SOX6: variants seen among roughly 807,000 people sequenced by gnomAD.
SOX6 encodes transcription factor SOX-6.
SOX6 carries 11 observed loss-of-function variants against 97.8 expected under a neutral mutation model. The ratio of observed to expected loss-of-function variants is 0.11; its 90% CI spans 0.07 to 0.19. The LOEUF is 0.19. SOX6 is among the 10% of genes least tolerant of loss of function. SOX6 has a pLI of 1.00. For synonymous variants in SOX6, 360 were observed against 371.4 expected, an observed-to-expected ratio of 0.97 and a Z score of 0.35; for missense variants, 810 against 1,039.5, an observed-to-expected ratio of 0.78 and a Z score of 3.04.
At chr11:16,254,573 T>C (rs1227014196) in intron 3 of SOX6, among the ~76,000 whole-genome samples, 3 of 151,980 alleles carry the variant, frequency 2.0e-5, no homozygotes, top group African/African-American at 7.2e-5. Flanking sequence ...CTTGGATTAA[T>C]TGTAACTGAA....
rs773512723 is a variant in SOX6, at chr11:16,097,707, C to A, written c.899-19G>T. The A allele has an allele frequency of 6.2e-7, 1 of 1,604,174 alleles. No individual in the cohort carries two copies. ...TTATCACCTGTCGGAAAGAACAATGCATACAGGTTTAGACAATGCACAGGG... is the reference window on the plus strand; with the variant it reads ...TTATCACCTGTCGGAAAGAACAATGAATACAGGTTTAGACAATGCACAGGG... On this transcript the variant is annotated intron_variant, in intron 7 of 15. Coordinates refer to ENST00000683767, the MANE Select transcript of SOX6 (RefSeq NM_001367873.1).
At chr11:16,528,649 G>A (rs1861199959) in intron 4 of SOX6, among the ~76,000 whole-genome samples, 1 of 152,074 alleles carries the variant, frequency 6.6e-6, no homozygotes, top group South Asian at 2.1e-4. Flanking sequence ...AAAAAGAGGG[G>A]AACGTCTATG....
intron 4 of SOX6, among the ~76,000 whole-genome samples, chr11:16,523,490 G>A (rs1427477642): frequency 2.0e-5 from 3 of 151,910 alleles, no homozygotes; most frequent in Non-Finnish European, 4.4e-5. Flanking sequence ...GCAGTGTGTA[G>A]AGGGAAATTT....
chr11:16,723,941 G>A (rs2134055584), intron 2 of SOX6, among the ~76,000 whole-genome samples: 1 of 152,270 alleles, frequency 6.6e-6, no homozygotes, highest in African/African-American at 2.4e-5. Context: ...AAGAATTTCT[G>A]TGACTCTCTG....
chr11:16,681,231 TA>T (rs1453130261), intron 3 of SOX6, among the ~76,000 whole-genome samples: 3 of 152,200 alleles, frequency 2.0e-5, no homozygotes, highest in Non-Finnish European at 4.4e-5. Flanking sequence ...TTAGCAAATG[TA>T]AAAGAACAGT....
At chr11:16,484,650 T>C (rs2133127310) in intron 4 of SOX6, 5 of 642,364 alleles carry the variant, frequency 7.8e-6, no homozygotes, top group East Asian at 2.8e-5. Flanking sequence ...GCACCGTTGC[T>C]GAGCACGAAG....
intron 4 of SOX6, among the ~76,000 whole-genome samples, chr11:16,488,647 A>G (rs1323820918): frequency 6.6e-6 from 1 of 152,138 alleles, no homozygotes; most frequent in Non-Finnish European, 1.5e-5. Flanking sequence ...TAACAAATAA[A>G]CACTGTAGAC....
chr11:16,289,801 A>G (rs1226228939), intron 3 of SOX6, among the ~76,000 whole-genome samples: 1 of 152,002 alleles, frequency 6.6e-6, no homozygotes, highest in African/African-American at 2.4e-5. Context: ...GTGGTTTAAC[A>G]TGGGCCTAAA....
At chr11:16,521,303 C>A (rs181011120) in intron 4 of SOX6, among the ~76,000 whole-genome samples, 3 of 152,164 alleles carry the variant, frequency 2.0e-5, no homozygotes, top group Non-Finnish European at 4.4e-5. Context: ...AACGATCAGA[C>A]AGCAGCATTC....
chr11:16,182,868 T>C (rs1321533879), intron 6 of SOX6, among the ~76,000 whole-genome samples: 1 of 151,712 alleles, frequency 6.6e-6, no homozygotes, highest in African/African-American at 2.4e-5. Flanking sequence ...ATCAATGAGA[T>C]AGAATATTGC....
intron 9 of SOX6, among the ~76,000 whole-genome samples, chr11:16,058,048 T>C (rs1303445876): frequency 1.3e-5 from 2 of 152,108 alleles, no homozygotes; most frequent in Non-Finnish European, 2.9e-5. Context: ...TTTTGATGTT[T>C]TTCATTGATA....
chr11:16,061,864 C>T (rs1409927655), intron 9 of SOX6, among the ~76,000 whole-genome samples: 6 of 151,690 alleles, frequency 4.0e-5, no homozygotes, highest in African/African-American at 1.5e-4. Context: ...GACTGAATGC[C>T]TATCTCTCCC....
intron 3 of SOX6, among the ~76,000 whole-genome samples, chr11:16,304,821 G>T (rs765428045): frequency 5.3e-5 from 8 of 152,064 alleles, no homozygotes; most frequent in Non-Finnish European, 1.0e-4. Flanking sequence ...ATGGAGGAAG[G>T]TTAGTCTTTT....
At chr11:16,436,641 C>G (rs7104395) in intron 1 of SOX6, among the ~76,000 whole-genome samples, 151,573 of 152,320 alleles carry the variant, frequency 1, 75,419 homozygotes, top group Middle Eastern at 1. Context: ...ATCTTTCTAA[C>G]TCTCAGTTTC....
chr11:16,688,565 C>A (rs1847986888), intron 3 of SOX6, among the ~76,000 whole-genome samples: 1 of 152,162 alleles, frequency 6.6e-6, no homozygotes, highest in South Asian at 2.1e-4. Context: ...TTCATTCCAT[C>A]CAGTGGACTT....
intron 4 of SOX6, among the ~76,000 whole-genome samples, chr11:16,205,626 T>A (rs949337807): frequency 6.6e-6 from 1 of 152,068 alleles, no homozygotes; most frequent in Non-Finnish European, 1.5e-5. Flanking sequence ...ATCACGTAAG[T>A]ATATAGTTAT....
chr11:16,342,946 T>G (rs367705586), intron 1 of SOX6, among the ~76,000 whole-genome samples: 14 of 151,980 alleles, frequency 9.2e-5, no homozygotes, highest in African/African-American at 3.1e-4. Flanking sequence ...GGAAAGGGAA[T>G]GCAAAAGAAT....
intron 4 of SOX6, among the ~76,000 whole-genome samples, chr11:16,513,175 C>A (rs552168750): frequency 7.5e-4 from 114 of 152,250 alleles, no homozygotes; most frequent in Non-Finnish European, 7.4e-4. Context: ...GGTCAACTGG[C>A]AGTAGTATGT....
chr11:16,467,792 AAAACAAAC>A (rs145776689), intron 1 of SOX6, among the ~76,000 whole-genome samples: 3 of 152,160 alleles, frequency 2.0e-5, no homozygotes, highest in Non-Finnish European at 2.9e-5. Context: ...TTAAAAGTTA[AAAACAAAC>A]AAACAAACAA....
Sources: allele counts gnomAD v4.1 joint callset (sites outside exome capture counted in the v4.1 genomes callset), GRCh38; gene constraint gnomAD v4.1.1; transcripts MANE v1.5; gene names NCBI Gene and HGNC (gene_info 2026-07-23, HGNC 2026-07-21).